Variants in CAMTA1 observed in about 807,000 individuals in gnomAD.
CAMTA1 encodes the protein calmodulin-binding transcription activator 1.
A neutral mutation model predicts 170.9 loss-of-function variants in CAMTA1; 27 were observed. That is an observed-to-expected ratio of 0.16 (90% CI 0.12 to 0.22). The LOEUF (loss-of-function observed/expected upper bound fraction) is 0.22. Ranked by LOEUF, CAMTA1 falls within the 10% of genes least tolerant of loss-of-function variation. The pLI, the probability that CAMTA1 is intolerant of heterozygous loss-of-function variation, is 1.00. For synonymous variants in CAMTA1, 833 were observed against 891.5 expected, an observed-to-expected ratio of 0.93 and a Z score of 1.17; for missense variants, 1,619 against 2,217.2, an observed-to-expected ratio of 0.73 and a Z score of 5.42.
intron 5 of CAMTA1, among the ~76,000 whole-genome samples, chr1:7,327,419 A>G (rs906202700): frequency 3.6e-4 from 55 of 151,736 alleles, no homozygotes; most frequent in African/African-American, 8.2e-4. Flanking sequence ...AAAAAAAAAA[A>G]AAAAAAGAAA....
chr1:6,906,999 CT>C (rs1306192528), intron 3 of CAMTA1, among the ~76,000 whole-genome samples: 10 of 152,154 alleles, frequency 6.6e-5, no homozygotes, highest in African/African-American at 2.4e-4. Context: ...GTGACATGGC[CT>C]TTGTTCTCTC....
intron 5 of CAMTA1, among the ~76,000 whole-genome samples, chr1:7,273,861 A>G (rs1447239790): frequency 3.3e-5 from 5 of 152,338 alleles, no homozygotes; most frequent in East Asian, 3.9e-4. Flanking sequence ...GTGGAAGTAT[A>G]TTGTTGAAAG....
intron 1 of CAMTA1, among the ~76,000 whole-genome samples, chr1:6,789,136 A>G (rs927379013): frequency 2.0e-5 from 3 of 152,276 alleles, no homozygotes; most frequent in East Asian, 3.9e-4. Context: ...AGTGGATTCA[A>G]AGTGTTGACA....
chr1:7,073,106 G>T (rs1347723856), intron 3 of CAMTA1, among the ~76,000 whole-genome samples: 2 of 152,128 alleles, frequency 1.3e-5, no homozygotes, highest in Non-Finnish European at 2.9e-5. Flanking sequence ...GTTGGATTTT[G>T]GCCATATTTT....
At chr1:7,266,736 G>A (rs1204712305) in intron 5 of CAMTA1, among the ~76,000 whole-genome samples, 1 of 152,222 alleles carries the variant, frequency 6.6e-6, no homozygotes, top group African/African-American at 2.4e-5. Flanking sequence ...CATTTGGCCT[G>A]TGACTAAGGG....
At chr1:7,084,295 G>A (rs1004151062) in intron 3 of CAMTA1, among the ~76,000 whole-genome samples, 2 of 152,140 alleles carry the variant, frequency 1.3e-5, no homozygotes, top group African/African-American at 4.8e-5. Flanking sequence ...GATGGAGGAC[G>A]GACTGTCTGA....
rs910029728 is a variant in CAMTA1 at position 7,732,126 on chromosome 1, C to T, written c.2915-322C>T. Among the ~76,000 whole-genome samples the T allele has an allele frequency of 6.6e-6, 1 of 151,768 alleles. No individual in the cohort carries two copies. The highest frequency in any genetic ancestry group is 1.9e-4 in the East Asian group (1 of 5,174). On this transcript the variant is annotated intron_variant, in intron 11 of 22. Transcript: ENST00000303635. The surrounding 1 kb of genome is among the most constrained non-coding windows in gnomAD (Gnocchi z 4.1). ...TTTACTTGCTCTAGAGGGCTCTCTA[C>T]CAGATCTCATGTCAGGGTTTCCGTT... is the stretch of plus-strand genomic sequence containing the variant.
chr1:7,073,086 T>A (rs1389289742), intron 3 of CAMTA1, among the ~76,000 whole-genome samples: 1 of 151,966 alleles, frequency 6.6e-6, no homozygotes, highest in Non-Finnish European at 1.5e-5. Flanking sequence ...GCAATTAAGA[T>A]GGGAGAAGTG....
chr1:7,526,680 C>T (rs796820921), intron 6 of CAMTA1, among the ~76,000 whole-genome samples: 3 of 152,256 alleles, frequency 2.0e-5, no homozygotes, highest in Non-Finnish European at 2.9e-5. Flanking sequence ...GGCTGAGGGG[C>T]GAGGCCAGCC....
intron 5 of CAMTA1, among the ~76,000 whole-genome samples, chr1:7,272,712 A>AAAAAAAAAAAAAAAAG (rs1670017608): frequency 3.9e-4 from 43 of 109,902 alleles, no homozygotes; most frequent in Non-Finnish European, 6.1e-4. Context: ...AAAAAAAAAA[A>AAAAAAAAAAAAAAAAG]AAAAGAAAAG....
intron 5 of CAMTA1, among the ~76,000 whole-genome samples, chr1:7,424,594 CGTT>C (rs1234046827): frequency 1.3e-5 from 2 of 152,110 alleles, no homozygotes; most frequent in Admixed American, 1.3e-4. Flanking sequence ...GCAGCTGACA[CGTT>C]GTAAGAAAGC....
At chr1:7,675,786 C>T (rs1227393785) in intron 10 of CAMTA1, among the ~76,000 whole-genome samples, 9 of 151,984 alleles carry the variant, frequency 5.9e-5, no homozygotes, top group African/African-American at 2.4e-5. Flanking sequence ...ACTGCATGAG[C>T]GGGGAAGGGA....
chr1:7,451,200 A>G (rs940589353), intron 5 of CAMTA1, among the ~76,000 whole-genome samples: 3 of 152,178 alleles, frequency 2.0e-5, no homozygotes, highest in East Asian at 1.9e-4. Flanking sequence ...AGCCATTTGC[A>G]TGATGTTCTC....
chr1:7,314,368 AGG>A (rs1677179544), intron 5 of CAMTA1, among the ~76,000 whole-genome samples: 2 of 152,224 alleles, frequency 1.3e-5, no homozygotes, highest in Admixed American at 6.5e-5. Context: ...GAAGGGGTCC[AGG>A]GAGGGCCTTG....
chr1:7,708,204 G>T (rs551119160), intron 11 of CAMTA1, among the ~76,000 whole-genome samples: 1 of 152,232 alleles, frequency 6.6e-6, no homozygotes, highest in Non-Finnish European at 1.5e-5. Context: ...GGCGTTGCAT[G>T]CCTACAGTCC....
intron 3 of CAMTA1, chr1:6,871,974 G>T: frequency 1.6e-6 from 2 of 1,228,828 alleles, no homozygotes; most frequent in Non-Finnish European, 2.1e-6. Context: ...TTTGCAAAAT[G>T]CTGTCTTCAT....
intron 3 of CAMTA1, among the ~76,000 whole-genome samples, chr1:6,998,606 A>C (rs1288408927): frequency 1.3e-5 from 2 of 152,178 alleles, no homozygotes; most frequent in Non-Finnish European, 2.9e-5. Context: ...TCTCCATAGC[A>C]CCGTCTGGTG....
chr1:6,884,104 A>G (rs1215419978), intron 3 of CAMTA1, among the ~76,000 whole-genome samples: 1 of 152,124 alleles, frequency 6.6e-6, no homozygotes, highest in African/African-American at 2.4e-5. Flanking sequence ...AAGTGTTTAA[A>G]GGAACAAGGA....
At chr1:7,669,172 CG>C (rs2096031489) in intron 9 of CAMTA1, among the ~76,000 whole-genome samples, 1 of 152,224 alleles carries the variant, frequency 6.6e-6, no homozygotes, top group Non-Finnish European at 1.5e-5. Context: ...TTTTGTTTCT[CG>C]GTCCTGAGCT....
Sources: allele counts gnomAD v4.1 joint callset (sites outside exome capture counted in the v4.1 genomes callset), GRCh38; gene constraint gnomAD v4.1.1; non-coding constraint Gnocchi (gnomAD v3.1); transcripts MANE v1.5; gene names NCBI Gene and HGNC (gene_info 2026-07-23, HGNC 2026-07-21).